ARHGEF10: variants seen among roughly 807,000 people sequenced by gnomAD.
ARHGEF10 encodes the protein Rho guanine nucleotide exchange factor (GEF) 10.
In ARHGEF10, 140 loss-of-function variants were observed where a neutral mutation model predicts 147.4. The ratio of observed to expected loss-of-function variants is 0.95; its 90% CI spans 0.83 to 1.09. The LOEUF (loss-of-function observed/expected upper bound fraction) is 1.09, where lower values mean the gene tolerates loss of function less well. ARHGEF10 is among the 50% of genes least tolerant of loss of function. The probability of loss-of-function intolerance (pLI) is 0.00; values close to 1 mark genes in which losing one functional copy is unlikely to be tolerated. For missense variants in ARHGEF10, 2,222 were observed against 1,752.7 expected (o/e 1.27, Z -4.78); for synonymous variants, 902 against 695.8 (o/e 1.30, Z -4.67).
chr8:1,883,482 A>G (rs1354359256), intron 10 of ARHGEF10, among the ~76,000 whole-genome samples: 3 of 152,078 alleles, frequency 2.0e-5, no homozygotes, highest in Non-Finnish European at 4.4e-5. Flanking sequence ...ATTTGCTAAT[A>G]TCTGTACTTG....
At chr8:1,878,970 G>C (rs1282910527) in intron 8 of ARHGEF10, among the ~76,000 whole-genome samples, 1 of 152,230 alleles carries the variant, frequency 6.6e-6, no homozygotes, top group East Asian at 1.9e-4. Context: ...GGAATACTGT[G>C]TGGGGTGCAG....
chr8:1,923,308 C>A, intron 19 of ARHGEF10, 160 bp from the exon 20 acceptor site: 5 of 1,125,052 alleles, frequency 4.4e-6, no homozygotes, highest in South Asian at 4.4e-5. Context: ...AATGTCTCAG[C>A]CCCCCACAGT....
At chr8:1,858,163 G>GGTGAGTCCCCAGGTGGGTCCCCAT (rs780194085) in intron 3 of ARHGEF10, 48 bp downstream of exon 3, 112 of 1,563,592 alleles carry the variant, frequency 7.2e-5, no homozygotes, top group Non-Finnish European at 8.9e-5. Context: ...TGGGTCCCCA[G>GGTGAGTCCCCAGGTGGGTCCCCAT]GTGAGTCCCC....
At chr8:1,897,089 G>C (rs1052836125) in intron 14 of ARHGEF10, among the ~76,000 whole-genome samples, 1 of 152,220 alleles carries the variant, frequency 6.6e-6, no homozygotes. Context: ...GACGTCGGCG[G>C]AACTGAGTCT....
intron 2 of ARHGEF10, among the ~76,000 whole-genome samples, chr8:1,845,672 G>A (rs551889047): frequency 1.3e-5 from 2 of 152,314 alleles, no homozygotes; most frequent in South Asian, 2.1e-4. Flanking sequence ...TGCTGACGTC[G>A]TCATCAGTCC....
intron 1 of ARHGEF10, among the ~76,000 whole-genome samples, chr8:1,841,255 A>T (rs1585230623): frequency 1.1e-5 from 1 of 93,856 alleles, no homozygotes. Flanking sequence ...AAAAGGAAAA[A>T]GCTAGGGTAA....
At position 1,923,554 on chromosome 8, in the gene ARHGEF10, C is replaced by G. The variant is rs769641385; in HGVS notation, c.2346C>G (p.Asp782Glu). 6.2e-7 allele frequency: 1 copy of G among 1,614,104 alleles called. No individual in the cohort carries two copies. Among genetic ancestry groups the G allele is most frequent in the East Asian group, 2.2e-5 (1 of 44,880 alleles). ...AAGAAGATGAAATCAGAGCTGCGGA[C>G]TGCTGCAGAATTCAGTTACAGCTTC... The part of the protein sequence containing the change: ...LKKEDEIRAA[D>E]CCRIQLQLPG... The change falls in exon 20 of 29, where the codon GAC becomes GAG. Residue 782 changes from aspartate (D) to glutamate (E), a missense_variant. Asp to Glu is a conservative substitution (Grantham distance 45). Transcript: ENST00000349830.
In ARHGEF10 at chr8:1,948,310, C is replaced by T. The variant is rs6989286; in HGVS notation, c.3397+2655C>T. 0.035 allele frequency among the ~76,000 whole-genome samples: 5,400 copies of T among 152,264 alleles called. 188 individuals carry two copies. Among genetic ancestry groups the T allele is most frequent in the African/African-American group, 0.092 (3,833 of 41,540 alleles). On this transcript the variant is annotated intron_variant, in intron 27 of 28. Transcript: ENST00000349830. This position sits in a 1 kb window ranked among gnomAD's most constrained non-coding sequence, Gnocchi z 4.9. ...TCGTGGGTCTTTACTTATTCCTACA[C>T]GACATAGTCAGGTCTGCATTTTAGA... is the stretch of plus-strand genomic sequence containing the variant.
At chr8:1,844,976 T>A (rs764160527) in intron 2 of ARHGEF10, among the ~76,000 whole-genome samples, 17 of 152,108 alleles carry the variant, frequency 1.1e-4, no homozygotes, top group Admixed American at 4.6e-4. Flanking sequence ...GCAAAAATAA[T>A]GATATGATAA....
rs1310539302 is a variant in ARHGEF10, at chr8:1,937,443, C to G, written c.3222+3501C>G. 6.6e-6 allele frequency among the ~76,000 whole-genome samples: 1 copy of G among 152,224 alleles called. No homozygotes were observed. The highest frequency in any genetic ancestry group is 1.5e-5 in the Non-Finnish European group (1 of 68,038). ...GGGTCTCAATTGTCTGAGCTGACAG[C>G]TGGGGGTAATTCCCCTTTCTCAGGC... is the stretch of plus-strand genomic sequence containing the variant. On this transcript the variant is annotated intron_variant, in intron 26 of 28. Coordinates refer to ENST00000349830, the MANE Select transcript of ARHGEF10 (RefSeq NM_014629.4). The surrounding 1 kb of genome is among the most constrained non-coding windows in gnomAD (Gnocchi z 4.9).
At chr8:1,894,603 G>T in intron 13 of ARHGEF10, 31 bp downstream of exon 13, 2 of 1,611,508 alleles carry the variant, frequency 1.2e-6, no homozygotes, top group Non-Finnish European at 1.7e-6. Context: ...GGATGTCCAT[G>T]GGGCTCTCCA....
chr8:1,871,493 A>C (rs1807123267), intron 7 of ARHGEF10, among the ~76,000 whole-genome samples: 1 of 152,232 alleles, frequency 6.6e-6, no homozygotes, highest in South Asian at 2.1e-4. Flanking sequence ...GATAGATTTT[A>C]AAGTCTAAGG....
chr8:1,880,432 G>A (rs928360926), intron 9 of ARHGEF10, among the ~76,000 whole-genome samples: 1 of 152,234 alleles, frequency 6.6e-6, no homozygotes, highest in Non-Finnish European at 1.5e-5. Context: ...CTGTCTACTA[G>A]AGAGGGGTTT....
intron 4 of ARHGEF10, among the ~76,000 whole-genome samples, chr8:1,863,520 T>A (rs1806325362): frequency 6.6e-6 from 1 of 152,184 alleles, no homozygotes; most frequent in African/African-American, 2.4e-5. Flanking sequence ...AGCCGCTGAG[T>A]GCTGCTGGCT....
intron 1 of ARHGEF10, among the ~76,000 whole-genome samples, chr8:1,842,900 G>A (rs958289974): frequency 6.6e-6 from 1 of 152,188 alleles, no homozygotes; most frequent in Non-Finnish European, 1.5e-5. Flanking sequence ...AGGGCCCTAA[G>A]CACCACGCCT....
intron 8 of ARHGEF10, among the ~76,000 whole-genome samples, chr8:1,879,845 G>A (rs754819581): frequency 1.3e-5 from 2 of 152,024 alleles, no homozygotes; most frequent in East Asian, 1.9e-4. Context: ...GAGCCACTGC[G>A]CCCAGCCAAC....
chr8:1,873,874 T>A (rs75827953), intron 7 of ARHGEF10, among the ~76,000 whole-genome samples: 9 of 152,002 alleles, frequency 5.9e-5, no homozygotes, highest in Non-Finnish European at 1.3e-4. Context: ...CTTTTTTTTT[T>A]ATTGTGTCAG....
chr8:1,882,774 G>GGGTCTTCTTGC, intron 10 of ARHGEF10, 25 bp downstream of exon 10: 2 of 1,512,736 alleles, frequency 1.3e-6, no homozygotes, highest in African/African-American at 2.9e-5. Flanking sequence ...GTCTTCTTGC[G>GGGTCTTCTTGC]GGGAGGACAC....
At chr8:1,950,730 G>GTTTTTTTTTTTTTTTTTTTGT (rs1814966483) in intron 27 of ARHGEF10, among the ~76,000 whole-genome samples, 1 of 108,458 alleles carries the variant, frequency 9.2e-6, no homozygotes, top group Non-Finnish European at 1.8e-5. Context: ...TGTTTTTTAG[G>GTTTTTTTTTTTTTTTTTTTGT]TTTTTTTTTT....
Sources: allele counts gnomAD v4.1 joint callset (sites outside exome capture counted in the v4.1 genomes callset), GRCh38; gene constraint gnomAD v4.1.1; non-coding constraint Gnocchi (gnomAD v3.1); transcripts MANE v1.5; gene names NCBI Gene and HGNC (gene_info 2026-07-23, HGNC 2026-07-21).